The following MAP4 variants were observed in gnomAD, a reference collection of about 807,000 sequenced individuals.
The protein encoded by MAP4 is microtubule-associated protein 4.
Under a neutral mutation model 170.2 loss-of-function variants are expected in MAP4, and 76 were observed. The ratio of observed to expected loss-of-function variants is 0.45; its 90% CI spans 0.37 to 0.54. The LOEUF is 0.54. MAP4 is among the 20% of genes least tolerant of loss of function. The pLI, the probability that MAP4 is intolerant of heterozygous loss-of-function variation, is 0.00. For synonymous variants in MAP4, 909 were observed against 994.5 expected, an observed-to-expected ratio of 0.91 and a Z score of 1.62; for missense variants, 2,506 against 2,748.0, an observed-to-expected ratio of 0.91 and a Z score of 1.97.
chr3:48,020,640 T>C (rs2100110089), upstream of MAP4, among the ~76,000 whole-genome samples: 2 of 152,116 alleles, frequency 1.3e-5, no homozygotes, highest in South Asian at 2.1e-4. Context: ...GTTGAAGAGA[T>C]CTTTCAAGTT....
Position 47,852,649 on chromosome 3 carries a change from G to T in MAP4, c.*285C>A. The T allele has an allele frequency of 8.3e-7, 1 of 1,200,838 alleles. No individual in the cohort carries two copies. The highest frequency in any genetic ancestry group is 1.1e-6 in the Non-Finnish European group (1 of 879,546). The allele number at this position is 1,200,838 out of a possible 1,614,324, so 74.4% of individuals were successfully genotyped here. A position where few individuals can be genotyped will look rare whatever the true frequency, so the allele number is the denominator to read the frequency against. On this transcript the variant is annotated 3_prime_UTR_variant, in exon 21 of 21. Coordinates refer to ENST00000683076, the MANE Select transcript of MAP4 (RefSeq NM_001385682.1). ...CCACGGAGCAGTGGCGCAGTGATGGGGCAAGACCAAAGCAGGGAGATGGGC... is the reference window on the plus strand; with the variant it reads ...CCACGGAGCAGTGGCGCAGTGATGGTGCAAGACCAAAGCAGGGAGATGGGC...
At chr3:47,975,789 T>C (rs1578622153) in intron 3 of MAP4, among the ~76,000 whole-genome samples, 1 of 151,356 alleles carries the variant, frequency 6.6e-6, no homozygotes, top group East Asian at 1.9e-4. Flanking sequence ...TTCAGTAAAG[T>C]ATCTTTTTTT....
chr3:48,050,150 C>A (rs999328659), intron 1 of MAP4, among the ~76,000 whole-genome samples: 30 of 151,228 alleles, frequency 2.0e-4, no homozygotes, highest in African/African-American at 7.0e-4. Flanking sequence ...ATCCCAGCTA[C>A]TCGGGAGGTT....
intron 5 of MAP4, among the ~76,000 whole-genome samples, chr3:47,920,667 T>C (rs2100042355): frequency 6.7e-6 from 1 of 148,972 alleles, no homozygotes; most frequent in East Asian, 2.1e-4. Context: ...TCCTTCCACC[T>C]CAGCCTCTTG....
chr3:47,957,127 A>G (rs904889082), intron 3 of MAP4, among the ~76,000 whole-genome samples: 4 of 152,154 alleles, frequency 2.6e-5, no homozygotes, highest in South Asian at 4.1e-4. Context: ...GAACTTATAT[A>G]TAAGTGCCCA....
chr3:48,025,450 A>T (rs2100112546), intron 1 of MAP4, among the ~76,000 whole-genome samples: 1 of 151,726 alleles, frequency 6.6e-6, no homozygotes, highest in Non-Finnish European at 1.5e-5. Flanking sequence ...CACCATGCCC[A>T]GCTAATTTTT....
At chr3:47,987,368 A>G in intron 2 of MAP4, 1 of 1,527,976 alleles carries the variant, frequency 6.5e-7, no homozygotes. Flanking sequence ...AAGTTCAGGG[A>G]AGAAAAGCAC....
chr3:48,058,276 GGA>G (rs1276871900), intron 1 of MAP4, among the ~76,000 whole-genome samples: 1 of 152,134 alleles, frequency 6.6e-6, no homozygotes, highest in Admixed American at 6.6e-5. Flanking sequence ...TTTATTGTAC[GGA>G]GAGAGGGAGG....
intron 10 of MAP4, among the ~76,000 whole-genome samples, chr3:47,900,933 A>G (rs1185869569): frequency 6.6e-6 from 1 of 152,040 alleles, no homozygotes; most frequent in Non-Finnish European, 1.5e-5. Context: ...GGCACACAAT[A>G]CCCCTAGGAT....
chr3:48,007,025 A>T (rs534230433), intron 1 of MAP4, among the ~76,000 whole-genome samples: 12 of 152,390 alleles, frequency 7.9e-5, no homozygotes, highest in Non-Finnish European at 1.5e-4. Flanking sequence ...CCTCAGGGGT[A>T]TATCAACTCT....
chr3:48,058,345 T>C (rs982523733), intron 1 of MAP4, among the ~76,000 whole-genome samples: 1 of 152,164 alleles, frequency 6.6e-6, no homozygotes, highest in Non-Finnish European at 1.5e-5. Flanking sequence ...ATGTACATAA[T>C]TTAAAAATTA....
intron 1 of MAP4, among the ~76,000 whole-genome samples, chr3:48,057,744 T>C (rs555528284): frequency 6.6e-6 from 1 of 152,286 alleles, no homozygotes; most frequent in East Asian, 1.9e-4. Flanking sequence ...TGTACCACTT[T>C]ACTGTTAACT....
rs1222545519 is a variant in MAP4, at chr3:47,988,501, TTTATGAATATGAC to T, written c.223+10124_223+10136del. Among the ~76,000 whole-genome samples, 13 of 152,230 alleles carry T rather than the reference TTTATGAATATGAC, an allele frequency of 8.5e-5. No individual in the cohort carries two copies. The South Asian group carries it at 2.7e-3, about 32-fold the overall frequency. ...GTTCTGTTCTGATTAAGCCAATTAA[TTTATGAATATGAC>T]TTATGAATATGAACAGGAGAGCAAG... On this transcript the variant is annotated intron_variant, in intron 2 of 20. Transcript: ENST00000683076.
At chr3:48,031,473 C>T (rs1407541130) in intron 1 of MAP4, among the ~76,000 whole-genome samples, 8 of 152,174 alleles carry the variant, frequency 5.3e-5, no homozygotes, top group Non-Finnish European at 4.4e-5. Context: ...ATCACTTGAA[C>T]CCAGGAGACG....
intron 3 of MAP4, among the ~76,000 whole-genome samples, chr3:47,933,807 G>A (rs919924693): frequency 2.0e-5 from 3 of 151,972 alleles, no homozygotes; most frequent in African/African-American, 7.3e-5. Flanking sequence ...TCACCATGTT[G>A]GCCAGGCTGG....
At chr3:47,892,166 A>C in intron 10 of MAP4, 1 of 1,536,242 alleles carries the variant, frequency 6.5e-7, no homozygotes, top group Non-Finnish European at 8.7e-7. Flanking sequence ...CTCTGAAATC[A>C]CATACCTGCT....
At chr3:48,065,956 A>G (rs996288687) in intron 1 of MAP4, among the ~76,000 whole-genome samples, 1 of 152,138 alleles carries the variant, frequency 6.6e-6, no homozygotes, top group African/African-American at 2.4e-5. Flanking sequence ...CCATCTCTAC[A>G]AAAACAACAA....
chr3:47,985,287 A>T (rs1275183836), intron 2 of MAP4, among the ~76,000 whole-genome samples: 1 of 152,046 alleles, frequency 6.6e-6, no homozygotes, highest in Admixed American at 6.6e-5. Context: ...CAAAAAAAAA[A>T]ATTAACCAGG....
Position 47,852,666 on chromosome 3 carries a change from G to A in MAP4, c.*268C>T. On this transcript the variant is annotated 3_prime_UTR_variant, in exon 21 of 21. Transcript: ENST00000683076. ...AGTGATGGGGCAAGACCAAAGCAGGGAGATGGGCCCAGGCTGGGGAGTGAG... is the reference window on the plus strand; with the variant it reads ...AGTGATGGGGCAAGACCAAAGCAGGAAGATGGGCCCAGGCTGGGGAGTGAG... 7.6e-7 allele frequency: 1 copy of A among 1,311,218 alleles called. No individual in the cohort carries two copies. The highest frequency in any genetic ancestry group is 1.0e-6 in the Non-Finnish European group (1 of 975,436). The allele number at this position is 1,311,218 out of a possible 1,614,324, so 81.2% of individuals were successfully genotyped here.
Sources: gnomAD v4.1 joint callset for allele counts (sites outside exome capture counted in the v4.1 genomes callset) on GRCh38, gnomAD v4.1.1 for gene constraint, MANE v1.5 for transcripts, NCBI Gene and HGNC (gene_info 2026-07-23, HGNC 2026-07-21) for gene names.